LRRC4C: variants seen among roughly 807,000 people sequenced by gnomAD.
The protein encoded by LRRC4C is leucine-rich repeat-containing protein 4C.
A neutral mutation model predicts 33.6 loss-of-function variants in LRRC4C; 5 were observed. The observed-to-expected ratio is 0.15, with a 90% CI of 0.08 to 0.31. The LOEUF is 0.31. Among genes scored for constraint, LRRC4C ranks in the 10% least tolerant of loss-of-function variants. The pLI is 1.00. For missense variants in LRRC4C, 560 were observed against 796.7 expected (o/e 0.70, Z 3.58); for synonymous variants, 329 against 302.0 (o/e 1.09, Z -0.93).
chr11:40,296,814 A>T (rs1944538741), intron 4 of LRRC4C, among the ~76,000 whole-genome samples: 1 of 152,204 alleles, frequency 6.6e-6, no homozygotes. Context: ...AATTTCTATA[A>T]AAGCTCTTTC....
chr11:40,769,208 A>G (rs1198335584), intron 2 of LRRC4C, among the ~76,000 whole-genome samples: 11 of 152,178 alleles, frequency 7.2e-5, no homozygotes, highest in Admixed American at 7.2e-4. Context: ...AAAAGAAATC[A>G]AGAAAGTATT....
At chr11:40,940,092 A>G (rs1212796999) in intron 1 of LRRC4C, among the ~76,000 whole-genome samples, 2 of 152,228 alleles carry the variant, frequency 1.3e-5, no homozygotes, top group African/African-American at 4.8e-5. Flanking sequence ...TGTGTCAGAC[A>G]TATAATACCT....
intron 2 of LRRC4C, among the ~76,000 whole-genome samples, chr11:40,740,257 T>G (rs1464693257): frequency 3.3e-5 from 5 of 152,008 alleles, no homozygotes; most frequent in African/African-American, 1.2e-4. Context: ...CCATAATGGT[T>G]TTAGCAATTT....
intron 2 of LRRC4C, among the ~76,000 whole-genome samples, chr11:40,775,774 T>C (rs1949967022): frequency 6.6e-6 from 1 of 152,234 alleles, no homozygotes; most frequent in African/African-American, 2.4e-5. Context: ...TGTTTCTTTC[T>C]CTTGTCTGAT....
chr11:40,511,080 A>G (rs185546773), intron 3 of LRRC4C, among the ~76,000 whole-genome samples: 3 of 152,320 alleles, frequency 2.0e-5, no homozygotes, highest in Admixed American at 6.5e-5. Context: ...CTCTTAGGCA[A>G]TATCTCTTAA....
At chr11:40,540,327 A>G (rs893890632) in intron 3 of LRRC4C, among the ~76,000 whole-genome samples, 14 of 152,174 alleles carry the variant, frequency 9.2e-5, no homozygotes, top group Non-Finnish European at 1.9e-4. Flanking sequence ...TTGATCCGCT[A>G]AAGTTTGAAA....
intron 1 of LRRC4C, among the ~76,000 whole-genome samples, chr11:41,433,292 T>C (rs1349694506): frequency 2.0e-5 from 3 of 152,186 alleles, no homozygotes; most frequent in Non-Finnish European, 2.9e-5. Flanking sequence ...CCACTTTCCC[T>C]CTATAATTTT....
At chr11:41,404,563 C>G (rs1462432386) in intron 1 of LRRC4C, among the ~76,000 whole-genome samples, 1 of 80,090 alleles carries the variant, frequency 1.2e-5, no homozygotes, top group African/African-American at 5.6e-5. Flanking sequence ...CACACACACA[C>G]CCCCCGAGGT....
intron 2 of LRRC4C, among the ~76,000 whole-genome samples, chr11:40,816,494 T>C (rs1465329752): frequency 6.6e-6 from 1 of 152,218 alleles, no homozygotes; most frequent in Non-Finnish European, 1.5e-5. Flanking sequence ...GAAGGTGTTA[T>C]GTTGTGTGCA....
intron 2 of LRRC4C, among the ~76,000 whole-genome samples, chr11:40,894,122 T>A (rs906892037): frequency 2.0e-5 from 3 of 152,154 alleles, no homozygotes; most frequent in Non-Finnish European, 2.9e-5. Flanking sequence ...ACCTAATTTC[T>A]CTAATGCTAA....
chr11:40,611,977 TG>T (rs1591272497), intron 3 of LRRC4C, among the ~76,000 whole-genome samples: 2 of 151,844 alleles, frequency 1.3e-5, no homozygotes, highest in South Asian at 4.2e-4. Context: ...TGAAACAGTC[TG>T]GGTCTTCCTC....
intron 2 of LRRC4C, among the ~76,000 whole-genome samples, chr11:40,779,867 T>C (rs1950147146): frequency 6.6e-6 from 1 of 152,140 alleles, no homozygotes; most frequent in African/African-American, 2.4e-5. Flanking sequence ...TTGGCTAACA[T>C]GGATGGTGCC....
chr11:40,903,742 A>G (rs1033802701), intron 2 of LRRC4C, among the ~76,000 whole-genome samples: 2 of 152,146 alleles, frequency 1.3e-5, no homozygotes, highest in African/African-American at 4.8e-5. Context: ...TAAGACCTAC[A>G]GTTGCAACAG....
chr11:40,549,368 T>TA (rs1244962665), intron 3 of LRRC4C, among the ~76,000 whole-genome samples: 14 of 152,140 alleles, frequency 9.2e-5, no homozygotes, highest in Admixed American at 9.2e-4. Flanking sequence ...AGCGAACACT[T>TA]ACCTCTTCCC....
rs556925975 is a variant in LRRC4C at position 40,218,143 on chromosome 11, G to A, written c.-96+23376C>T. Among the ~76,000 whole-genome samples the A allele has an allele frequency of 2.6e-5, 4 of 152,222 alleles. No individual in the cohort carries two copies. In the South Asian group the frequency reaches 8.3e-4, roughly 32 times the overall value. The stretch of plus-strand genomic sequence containing the variant: ...TAAAATTTCCTTAACATCCTGTGCA[G>A]TTTTATATAACTAATGTTTTTTATC... On this transcript the variant is annotated intron_variant, in intron 5 of 6. Transcript: ENST00000528697.
At chr11:41,141,382 A>G (rs1046806229) in intron 1 of LRRC4C, among the ~76,000 whole-genome samples, 1 of 152,180 alleles carries the variant, frequency 6.6e-6, no homozygotes, top group Non-Finnish European at 1.5e-5. Context: ...TCTTAAAAAA[A>G]AAGATCCAAC....
At chr11:41,443,088 CA>C (rs1433013022) in intron 1 of LRRC4C, among the ~76,000 whole-genome samples, 1 of 85,614 alleles carries the variant, frequency 1.2e-5, no homozygotes, top group Non-Finnish European at 2.4e-5. Context: ...ATGTTTGCTT[CA>C]TTTTTTTTTT....
chr11:40,550,085 C>T (rs1309648563), intron 3 of LRRC4C, among the ~76,000 whole-genome samples: 1 of 151,958 alleles, frequency 6.6e-6, no homozygotes, highest in Non-Finnish European at 1.5e-5. Flanking sequence ...TAATGACATG[C>T]CTATAAAACT....
chr11:40,296,733 T>C (rs1209488753), intron 4 of LRRC4C, among the ~76,000 whole-genome samples: 5 of 152,180 alleles, frequency 3.3e-5, no homozygotes, highest in Non-Finnish European at 7.3e-5. Context: ...AAAAAAAACA[T>C]AATTATAGAT....
Sources: allele counts gnomAD v4.1 joint callset (sites outside exome capture counted in the v4.1 genomes callset), GRCh38; gene constraint gnomAD v4.1.1; transcripts MANE v1.5; gene names NCBI Gene and HGNC (gene_info 2026-07-23, HGNC 2026-07-21).